Variants in CELF3 observed in about 807,000 individuals in gnomAD.
The protein encoded by CELF3 is CAG repeat domain.
Under a neutral mutation model 59.6 loss-of-function variants are expected in CELF3, and 26 were observed. That is an observed-to-expected ratio of 0.44 (90% CI 0.32 to 0.61). CELF3 has a LOEUF of 0.61. Among genes scored for constraint, CELF3 ranks in the 20% least tolerant of loss-of-function variants. The probability of loss-of-function intolerance (pLI) is 0.06; values close to 1 mark genes in which losing one functional copy is unlikely to be tolerated. For synonymous variants in CELF3, 245 were observed against 250.7 expected (o/e 0.98, Z 0.22); for missense variants, 387 against 627.2 (o/e 0.62, Z 4.09).
At chr1:151,711,541 C>G (rs949421047) in intron 2 of CELF3, among the ~76,000 whole-genome samples, 27 of 151,190 alleles carry the variant, frequency 1.8e-4, no homozygotes, top group Non-Finnish European at 3.5e-4. Context: ...AGCTTTATCA[C>G]CCGCCAATCT....
chr1:151,715,898 G>T lies in CELF3; in HGVS notation c.123C>A (p.Asp41Glu). The T allele has an allele frequency of 6.2e-7, 1 of 1,613,746 alleles. No homozygotes were observed. Among genetic ancestry groups the T allele is most frequent in the Non-Finnish European group, 8.5e-7 (1 of 1,179,816 alleles). The change falls in exon 1 of 13, where the codon GAC becomes GAA. Residue 41 changes from aspartate (D) to glutamate (E), a missense_variant. By Grantham distance (45) the Asp-to-Glu change is conservative (BLOSUM62 2). This residue lies in a region of CELF3 where 208 missense variants were observed against 354.8 expected (regional missense o/e 0.59). Transcript: ENST00000290583. ...GRIFELTVIKDKYTGLHKGCA... is the reference protein window; with the variant it reads ...GRIFELTVIKEKYTGLHKGCA... ...CACCCTTGTGCAGCCCGGTGTACTT[G>T]TCCTTGATGACAGTCAGCTCAAAGA...
chr1:151,703,622 C>G (rs1672256456), intron 12 of CELF3, among the ~76,000 whole-genome samples, 174 bp from the exon 13 acceptor site: 1 of 151,952 alleles, frequency 6.6e-6, no homozygotes, highest in South Asian at 2.1e-4. Context: ...CACCCCCAGC[C>G]ATGAGAGCAG....
chr1:151,706,585 A>G (rs1445027454), intron 9 of CELF3, 84 bp downstream of exon 9: 3 of 1,426,938 alleles, frequency 2.1e-6, no homozygotes, highest in Non-Finnish European at 2.9e-6. Context: ...GCAGGGAGCC[A>G]AGAAGCCCAG....
At chr1:151,706,008 A>G in intron 10 of CELF3, 43 bp from the exon 11 acceptor site, 1 of 1,611,070 alleles carries the variant, frequency 6.2e-7, no homozygotes, top group Non-Finnish European at 8.5e-7. Flanking sequence ...AGTGACTGGG[A>G]GGCACACACC....
chr1:151,706,178 A>G (rs375964012), intron 10 of CELF3, 46 bp downstream of exon 10: 1 of 1,611,184 alleles, frequency 6.2e-7, no homozygotes, highest in Non-Finnish European at 8.5e-7. Flanking sequence ...GGAGTCCCCA[A>G]GCCCATAACG....
chr1:151,702,162 C>T lies in CELF3; in HGVS notation c.*1297G>A, dbSNP rs1255266633. 1.3e-5 allele frequency among the ~76,000 whole-genome samples: 2 copies of T among 152,138 alleles called. No homozygotes were observed. The highest frequency in any genetic ancestry group is 2.9e-5 in the Non-Finnish European group (2 of 68,032). On this transcript the variant is annotated 3_prime_UTR_variant, in exon 13 of 13. Transcript: ENST00000290583. Reference sequence around the variant, plus strand: ...GACAGAGCTGGATACAGGGGAGAGCCCCCGACAGGGGAGATCTCCTTGTGC... The same window carrying T: ...GACAGAGCTGGATACAGGGGAGAGCTCCCGACAGGGGAGATCTCCTTGTGC...
chr1:151,709,435 A>T lies in CELF3; in HGVS notation c.278-87T>A, dbSNP rs974032639. ...TCTTCCGCCCTTCCCTGGAGCTCCT[A>T]ACACTACTTCTGCTACCCTTAGGGT... On this transcript the variant is annotated intron_variant, in intron 3 of 12. Coordinates refer to ENST00000290583, the MANE Select transcript of CELF3 (RefSeq NM_007185.7). This position sits in a 1 kb window ranked among gnomAD's most constrained non-coding sequence, Gnocchi z 4.9. The T allele has an allele frequency of 3.2e-6, 5 of 1,570,986 alleles. No homozygotes were observed. Among genetic ancestry groups the T allele is most frequent in the Non-Finnish European group, 4.4e-6 (5 of 1,148,320 alleles).
Position 151,716,147 on chromosome 1 carries a change from C to G in CELF3, c.-127G>C. ...CTGGGGCTGGCTTTCCCTTTGGCCC[C>G]CAACCACGCTGCTAAGCAGAGGGGC... is the stretch of plus-strand genomic sequence containing the variant. On this transcript the variant is annotated 5_prime_UTR_variant, in exon 1 of 13. Coordinates refer to ENST00000290583, the MANE Select transcript of CELF3 (RefSeq NM_007185.7). The G allele has an allele frequency of 1.1e-6, 1 of 943,006 alleles. No individual in the cohort carries two copies. The highest frequency in any genetic ancestry group is 1.5e-6 in the Non-Finnish European group (1 of 648,394). The allele number at this position is 943,006 out of a possible 1,614,324, so 58.4% of individuals were successfully genotyped here. A position where few individuals can be genotyped will look rare whatever the true frequency, so the allele number is the denominator to read the frequency against.
rs1350972523 is a variant in CELF3, at chr1:151,707,624, C to T, written c.655G>A (p.Val219Ile). Residue 219 changes from valine (V) to isoleucine (I), a missense_variant, in exon 7 of 13, where the codon GTA becomes ATA. By Grantham distance (29) the Val-to-Ile change is conservative. Transcript: ENST00000290583. ...QALMQQQAAL[V>I]AAHSAYLSPM... ...CTGAGGTAGGCACTGTGAGCCGCTACCAGGGCCGCCTGCTGCTGCATCAGC... is the reference window on the plus strand; with the variant it reads ...CTGAGGTAGGCACTGTGAGCCGCTATCAGGGCCGCCTGCTGCTGCATCAGC... 3.1e-6 allele frequency: 5 copies of T among 1,607,114 alleles called. No homozygotes were observed. The highest frequency in any genetic ancestry group is 4.2e-6 in the Non-Finnish European group (5 of 1,177,842).
intron 7 of CELF3, 101 bp downstream of exon 7, chr1:151,707,404 CCT>C: frequency 3.2e-6 from 5 of 1,545,954 alleles, no homozygotes; most frequent in East Asian, 4.7e-5. Context: ...CTCTCTGACC[CCT>C]GAGTCCCTCC....
At chr1:151,715,743 C>T in intron 1 of CELF3, 133 bp downstream of exon 1, 1 of 1,593,648 alleles carries the variant, frequency 6.3e-7, no homozygotes. Flanking sequence ...GCTCCTCCAT[C>T]CACTTTCCTC....
chr1:151,702,079 G>A lies in CELF3; in HGVS notation c.*1380C>T, dbSNP rs959793097. ...CAACTGGCTCCCAGTATCCACACTG[G>A]CCTCTGTGCAGAAATGGAGGTCCAG... On this transcript the variant is annotated 3_prime_UTR_variant, in exon 13 of 13. Coordinates refer to ENST00000290583, the MANE Select transcript of CELF3 (RefSeq NM_007185.7). 6.6e-6 allele frequency among the ~76,000 whole-genome samples: 1 copy of A among 152,246 alleles called. No homozygotes were observed. The highest frequency in any genetic ancestry group is 1.5e-5 in the Non-Finnish European group (1 of 68,042).
At position 151,706,682 on chromosome 1, in the gene CELF3, C is replaced by T; in HGVS notation, c.975G>A (p.Met325Ile). ...AGGGCGCCTCACCTGTGTAGTGCTG[C>T]ATCCCCGCGTAGGCCTGCTGCAGGG... ...VDPLQQAYAG[M>I]QHYTAAYPAA... Residue 325 changes from methionine (M) to isoleucine (I), a missense_variant, in exon 9 of 13, where the codon ATG becomes ATA. Physicochemically the swap from Met to Ile is conservative, Grantham distance 10. This residue lies in a region of CELF3 where 131 missense variants were observed against 153.7 expected (regional missense o/e 0.85). Coordinates refer to ENST00000290583, the MANE Select transcript of CELF3 (RefSeq NM_007185.7). 1 of 1,551,364 alleles carries T rather than the reference C, an allele frequency of 6.4e-7. No individual in the cohort carries two copies. Among genetic ancestry groups the T allele is most frequent in the South Asian group, 1.2e-5 (1 of 84,050 alleles).
intron 8 of CELF3, 53 bp downstream of exon 8, chr1:151,707,067 AAGGTGTGTCCTGCCTCCCTAATGGG>A: frequency 3.6e-6 from 5 of 1,373,926 alleles, no homozygotes; most frequent in Non-Finnish European, 4.8e-6. Flanking sequence ...GCTGGGAGGG[AAGGTGTGTCCTGCCTCCCTAATGGG>A]AGTGGTGGTT....
Position 151,703,153 on chromosome 1 carries a change from T to G in CELF3, c.*306A>C. The G allele has an allele frequency of 2.2e-6, 1 of 460,826 alleles. No individual in the cohort carries two copies. Among genetic ancestry groups the G allele is most frequent in the South Asian group, 1.5e-5 (1 of 64,746 alleles). 28.5% of individuals were successfully genotyped at this position (460,826 alleles called of 1,614,324 possible). ...GTACAAACGCTGGGTACAGAAGGCC[T>G]GTCACAGGAGCCCAGCAGAAGGCAG... On this transcript the variant is annotated 3_prime_UTR_variant, in exon 13 of 13. Transcript: ENST00000290583.
intron 1 of CELF3, among the ~76,000 whole-genome samples, chr1:151,715,161 C>A (rs769756392): frequency 6.6e-6 from 1 of 152,134 alleles, no homozygotes; most frequent in South Asian, 2.1e-4. Flanking sequence ...GTTAGTTAGC[C>A]GGAAGTGCCT....
chr1:151,703,185 C>G lies in CELF3; in HGVS notation c.*274G>C, dbSNP rs764687570. 6.5e-6 allele frequency: 3 copies of G among 459,446 alleles called. No individual in the cohort carries two copies. The highest frequency in any genetic ancestry group is 4.6e-5 in the South Asian group (3 of 64,676). The allele number at this position is 459,446 out of a possible 1,614,324, so 28.5% of individuals were successfully genotyped here. On this transcript the variant is annotated 3_prime_UTR_variant, in exon 13 of 13. Transcript: ENST00000290583. Reference sequence around the variant, plus strand: ...GGAGCCCAGCAGAAGGCAGATACCCCGGAGCCTTCGAGCCTGTTCCTCGCT... The same window carrying G: ...GGAGCCCAGCAGAAGGCAGATACCCGGGAGCCTTCGAGCCTGTTCCTCGCT...
At chr1:151,707,748 C>A in intron 6 of CELF3, 44 bp downstream of exon 6, 2 of 1,605,764 alleles carry the variant, frequency 1.2e-6, no homozygotes, top group Non-Finnish European at 1.7e-6. Context: ...GGGCAAGATA[C>A]AGGGGGTCAG....
rs1672070095 is a variant in CELF3, at chr1:151,701,415, AC to A, written c.*2043del. Among the ~76,000 whole-genome samples the A allele has an allele frequency of 6.6e-6, 1 of 152,048 alleles. No individual in the cohort carries two copies. Among genetic ancestry groups the A allele is most frequent in the African/African-American group, 2.4e-5 (1 of 41,384 alleles). On this transcript the variant is annotated 3_prime_UTR_variant, in exon 13 of 13. Transcript: ENST00000290583. ...GAGGGACTTAGGGCTTATGCAGTCC[AC>A]CCTCTACCTGAAGGACTCACTCCTA...
Sources: allele counts gnomAD v4.1 joint callset (sites outside exome capture counted in the v4.1 genomes callset), GRCh38; gene constraint gnomAD v4.1.1; regional missense constraint gnomAD v4.1.1; non-coding constraint Gnocchi (gnomAD v3.1); transcripts MANE v1.5; gene names NCBI Gene and HGNC (gene_info 2026-07-23, HGNC 2026-07-21).